NRG3: variants seen among roughly 807,000 people sequenced by gnomAD.
NRG3 encodes pro-neuregulin-3, membrane-bound isoform.
A neutral mutation model predicts 66.9 loss-of-function variants in NRG3; 31 were observed. The ratio of observed to expected loss-of-function variants is 0.46; its 90% CI spans 0.35 to 0.63. NRG3 has a LOEUF of 0.63. Ranked by LOEUF, NRG3 falls within the 20% of genes least tolerant of loss-of-function variation. The pLI is 0.00. For synonymous variants in NRG3, 393 were observed against 359.4 expected (o/e 1.09, Z -1.06); for missense variants, 910 against 878.9 (o/e 1.04, Z -0.45).
At chr10:82,936,798 G>C (rs991635978) in intron 4 of NRG3, among the ~76,000 whole-genome samples, 4 of 152,090 alleles carry the variant, frequency 2.6e-5, no homozygotes, top group African/African-American at 9.7e-5. Context: ...AGTAGAGGAA[G>C]ACAACTGTTA....
chr10:82,321,537 A>G (rs1302644990), intron 1 of NRG3, among the ~76,000 whole-genome samples: 1 of 152,190 alleles, frequency 6.6e-6, no homozygotes, highest in South Asian at 2.1e-4. Flanking sequence ...CTGCATTTTG[A>G]ATCTCTGCTT....
In NRG3 at chr10:82,109,577, G is replaced by GTGTGTGTA. The variant is rs1341763664; in HGVS notation, c.823+233415_823+233416insGTGTGTAT. 3.2e-5 allele frequency among the ~76,000 whole-genome samples: 4 copies of GTGTGTGTA among 125,316 alleles called. No homozygotes were observed. The South Asian group carries it at 9.9e-4, about 31-fold the overall frequency. 82.2% of individuals were successfully genotyped at this position (125,316 alleles called of 152,430 possible). On this transcript the variant is annotated intron_variant, in intron 1 of 8. Coordinates refer to ENST00000372141, the MANE Select transcript of NRG3 (RefSeq NM_001010848.4). ...TGTGTGTGTGTGTGTGTGTGTGTGTGTATATATATATTTTCAGATCAAATT... is the reference window on the plus strand; with the variant it reads ...TGTGTGTGTGTGTGTGTGTGTGTGTGTGTGTGTATATATATATATTTTCAGATCAAATT...
intron 2 of NRG3, among the ~76,000 whole-genome samples, chr10:82,605,064 G>C (rs1236930466): frequency 6.6e-6 from 1 of 151,888 alleles, no homozygotes; most frequent in Non-Finnish European, 1.5e-5. Context: ...GATTAACTAG[G>C]ACCAGTACAT....
In NRG3 at chr10:82,194,750, A is replaced by G. The variant is rs989021127; in HGVS notation, c.824-163989A>G. Among the ~76,000 whole-genome samples the G allele has an allele frequency of 5.3e-5, 8 of 152,266 alleles. 1 individual carries two copies. The South Asian group carries it at 6.2e-4, about 12-fold the overall frequency. On this transcript the variant is annotated intron_variant, in intron 1 of 8. Coordinates refer to ENST00000372141, the MANE Select transcript of NRG3 (RefSeq NM_001010848.4). Reference sequence around the variant, plus strand: ...GCATCTGACTTTGGCGTTGAATAATAGATATTATTATCCTGTTATTTGACT... The same window carrying G: ...GCATCTGACTTTGGCGTTGAATAATGGATATTATTATCCTGTTATTTGACT...
At chr10:82,962,817 C>T (rs11812998) in intron 6 of NRG3, among the ~76,000 whole-genome samples, 15,560 of 151,740 alleles carry the variant, frequency 0.1, 1,119 homozygotes, top group African/African-American at 0.19. Flanking sequence ...CCAGCCTGGG[C>T]GACAGAGTGA....
At chr10:82,965,350 A>C (rs917449869) in intron 6 of NRG3, among the ~76,000 whole-genome samples, 5 of 152,206 alleles carry the variant, frequency 3.3e-5, no homozygotes, top group Non-Finnish European at 7.3e-5. Flanking sequence ...TGAGCACTTA[A>C]ATTTCACTGA....
intron 2 of NRG3, among the ~76,000 whole-genome samples, chr10:82,388,819 G>T (rs1313292244): frequency 6.6e-6 from 1 of 152,200 alleles, no homozygotes; most frequent in Non-Finnish European, 1.5e-5. Flanking sequence ...TGTCTGAGCT[G>T]TGTCTCACAA....
At chr10:82,856,589 A>G (rs1396765006) in intron 3 of NRG3, among the ~76,000 whole-genome samples, 1 of 151,962 alleles carries the variant, frequency 6.6e-6, no homozygotes, top group Non-Finnish European at 1.5e-5. Context: ...TACTAAAAAT[A>G]CAAAAATTAG....
intron 1 of NRG3, among the ~76,000 whole-genome samples, chr10:82,018,734 T>C (rs1297206207): frequency 6.6e-6 from 1 of 152,144 alleles, no homozygotes; most frequent in African/African-American, 2.4e-5. Context: ...TGGCTCTCTA[T>C]TTGTCTGTTA....
At chr10:82,233,247 C>T (rs1234097417) in intron 1 of NRG3, among the ~76,000 whole-genome samples, 3 of 152,162 alleles carry the variant, frequency 2.0e-5, no homozygotes, top group Non-Finnish European at 4.4e-5. Context: ...CACCTGTAGT[C>T]CCAGCTAATG....
intron 1 of NRG3, among the ~76,000 whole-genome samples, chr10:82,121,891 G>T (rs1425730308): frequency 6.6e-6 from 1 of 152,022 alleles, no homozygotes; most frequent in African/African-American, 2.4e-5. Context: ...TCCTGTTTTG[G>T]CCTCCCAAAG....
chr10:81,956,199 T>C (rs143674237), intron 1 of NRG3, among the ~76,000 whole-genome samples: 2 of 152,282 alleles, frequency 1.3e-5, no homozygotes, highest in Non-Finnish European at 2.9e-5. Context: ...CTTCCAAAGC[T>C]GGGACAAAAG....
At chr10:82,184,820 A>G (rs1485573164) in intron 1 of NRG3, among the ~76,000 whole-genome samples, 1 of 152,158 alleles carries the variant, frequency 6.6e-6, no homozygotes, top group Non-Finnish European at 1.5e-5. Flanking sequence ...GAAAAGGAAG[A>G]CAGACATTGA....
chr10:82,846,661 T>A (rs775012586), intron 3 of NRG3, among the ~76,000 whole-genome samples: 3 of 152,160 alleles, frequency 2.0e-5, no homozygotes, highest in Non-Finnish European at 4.4e-5. Context: ...GTGTGTACAA[T>A]ATGAAGATAA....
At chr10:82,783,423 G>C (rs554314529) in intron 3 of NRG3, among the ~76,000 whole-genome samples, 9 of 151,702 alleles carry the variant, frequency 5.9e-5, no homozygotes, top group South Asian at 2.1e-4. Flanking sequence ...AATTGTCCCT[G>C]TTTGCAGATG....
intron 1 of NRG3, among the ~76,000 whole-genome samples, chr10:82,356,414 AGTAGCAGTCAACT>A (rs2083781844): frequency 6.6e-6 from 1 of 152,222 alleles, no homozygotes; most frequent in Non-Finnish European, 1.5e-5. Context: ...CAGCAGCCAG[AGTAGCAGTCAACT>A]GTGCACCGTT....
intron 1 of NRG3, chr10:82,340,871 A>G (rs1287953246): frequency 6.6e-6 from 1 of 152,124 alleles, no homozygotes; most frequent in Non-Finnish European, 1.5e-5. Flanking sequence ...AACGTTCCCT[A>G]TTTTTATGGT....
rs188814749 is a variant in NRG3 at position 82,814,432 on chromosome 10, T to G, written c.1028-50979T>G. Reference sequence around the variant, plus strand: ...ATTACTAGTAAATGCTAATGCACATTCTAAAACCCAGAGGCCGCATGGGGC... The same window carrying G: ...ATTACTAGTAAATGCTAATGCACATGCTAAAACCCAGAGGCCGCATGGGGC... On this transcript the variant is annotated intron_variant, in intron 3 of 8. Transcript: ENST00000372141. Among the ~76,000 whole-genome samples, 137 of 152,306 alleles carry G rather than the reference T, an allele frequency of 9.0e-4. 2 individuals carry two copies. In the South Asian group the frequency reaches 0.012, roughly 13 times the overall value.
intron 2 of NRG3, among the ~76,000 whole-genome samples, chr10:82,432,110 G>A (rs1395902315): frequency 6.6e-6 from 1 of 152,126 alleles, no homozygotes; most frequent in East Asian, 1.9e-4. Flanking sequence ...AAAACTTAAT[G>A]AATCAAATGT....
Sources: gnomAD v4.1 joint callset for allele counts (sites outside exome capture counted in the v4.1 genomes callset) on GRCh38, gnomAD v4.1.1 for gene constraint, MANE v1.5 for transcripts, NCBI Gene and HGNC (gene_info 2026-07-23, HGNC 2026-07-21) for gene names.